RREB1: variants seen among roughly 807,000 people sequenced by gnomAD.
RREB1 encodes the protein ras responsive element binding protein 1.
Under a neutral mutation model 117.8 loss-of-function variants are expected in RREB1, and 27 were observed. The ratio of observed to expected loss-of-function variants is 0.23; its 90% confidence interval spans 0.17 to 0.32. RREB1 has a LOEUF of 0.32. Among genes scored for constraint, RREB1 ranks in the 10% least tolerant of loss-of-function variants. The probability of loss-of-function intolerance (pLI) is 1.00; values close to 1 mark genes in which losing one functional copy is unlikely to be tolerated. For synonymous variants in RREB1, 1,298 were observed against 1,026.7 expected (o/e 1.26, Z -5.05); for missense variants, 2,577 against 2,378.2 (o/e 1.08, Z -1.74).
Position 7,230,326 on chromosome 6 carries a change from G to C in RREB1, c.2227G>C (p.Glu743Gln), listed in dbSNP as rs147574604. Reference protein sequence around the residue: ...NIEYVSSSAAELVDAFCAPDT... With the variant: ...NIEYVSSSAAQLVDAFCAPDT... ...CGAGTATGTGAGTAGCAGCGCGGCC[G>C]AGCTGGTGGACGCCTTCTGCGCCCC... The change falls in exon 10 of 13, where the codon GAG becomes CAG. Residue 743 changes from glutamate to glutamine, a missense_variant. By Grantham distance (29) the Glu-to-Gln change is conservative. Coordinates refer to ENST00000379938, the MANE Select transcript of RREB1 (RefSeq NM_001003699.4). 3 of 1,589,086 alleles carry C rather than the reference G, an allele frequency of 1.9e-6. No homozygotes were observed. In the South Asian group the frequency reaches 3.3e-5, roughly 18 times the overall value.
At chr6:7,185,880 A>C (rs1403340694) in intron 4 of RREB1, among the ~76,000 whole-genome samples, 1 of 152,110 alleles carries the variant, frequency 6.6e-6, no homozygotes, top group Non-Finnish European at 1.5e-5. Context: ...CCTACCACTT[A>C]ATAGTTCTCT....
intron 2 of RREB1, among the ~76,000 whole-genome samples, chr6:7,179,582 G>A (rs1337468737): frequency 6.6e-6 from 1 of 152,194 alleles, no homozygotes; most frequent in South Asian, 2.1e-4. Flanking sequence ...GGTGAGTTCA[G>A]TATTGAAGGT....
intron 1 of RREB1, among the ~76,000 whole-genome samples, chr6:7,121,760 A>G (rs1338488630): frequency 6.7e-6 from 1 of 150,354 alleles, no homozygotes; most frequent in Non-Finnish European, 1.5e-5. Flanking sequence ...ACGTTAATTA[A>G]CTTTTTTTTT....
intron 9 of RREB1, among the ~76,000 whole-genome samples, chr6:7,227,619 C>T (rs570401497): frequency 2.6e-5 from 4 of 151,956 alleles, no homozygotes; most frequent in South Asian, 2.1e-4. Context: ...AATCGGAATT[C>T]GTGGGATTTT....
At chr6:7,114,478 G>GA (rs1463605768) in intron 1 of RREB1, among the ~76,000 whole-genome samples, 1 of 151,714 alleles carries the variant, frequency 6.6e-6, no homozygotes, top group African/African-American at 2.4e-5. Flanking sequence ...TGGGGGGGGG[G>GA]GCGGCAGCGG....
At chr6:7,112,021 C>A (rs552404216) in intron 1 of RREB1, among the ~76,000 whole-genome samples, 6 of 152,206 alleles carry the variant, frequency 3.9e-5, no homozygotes, top group Admixed American at 3.9e-4. Context: ...GCTTTCTTTC[C>A]CCCTTTACTG....
chr6:7,123,863 G>C (rs989154887), intron 1 of RREB1, among the ~76,000 whole-genome samples: 1 of 151,594 alleles, frequency 6.6e-6, no homozygotes, highest in Non-Finnish European at 1.5e-5. Context: ...CACCTGCCTC[G>C]GCCTCCCAAA....
intron 1 of RREB1, among the ~76,000 whole-genome samples, chr6:7,138,927 CT>C (rs11303054): frequency 0.66 from 100,547 of 151,954 alleles, 35,043 homozygotes; most frequent in Middle Eastern, 0.79. Flanking sequence ...TTTTTTCTAA[CT>C]TAGTAGGTAG....
At chr6:7,195,128 T>C (rs1765602901) in intron 6 of RREB1, among the ~76,000 whole-genome samples, 1 of 152,134 alleles carries the variant, frequency 6.6e-6, no homozygotes, top group Non-Finnish European at 1.5e-5. Flanking sequence ...AGAAAATAAA[T>C]TGAGTAAATT....
intron 1 of RREB1, among the ~76,000 whole-genome samples, chr6:7,153,673 T>G (rs1469272503): frequency 6.6e-6 from 1 of 152,172 alleles, no homozygotes; most frequent in Non-Finnish European, 1.5e-5. Flanking sequence ...TCAGATCTGT[T>G]TGATAGGTTG....
chr6:7,179,316 G>T (rs374968715), intron 2 of RREB1, among the ~76,000 whole-genome samples: 1 of 152,080 alleles, frequency 6.6e-6, no homozygotes, highest in Admixed American at 6.6e-5. Flanking sequence ...TTGAGATGGG[G>T]TCTTGCTGTT....
chr6:7,228,495 C>CTTTT lies in RREB1; in HGVS notation c.898-479_898-476dup, dbSNP rs568193582. Among the ~76,000 whole-genome samples the CTTTT allele has an allele frequency of 1.7e-3, 158 of 91,202 alleles. 2 individuals carry two copies. The highest frequency in any genetic ancestry group is 5.0e-3 in the African/African-American group (110 of 21,788). 59.8% of individuals were successfully genotyped at this position (91,202 alleles called of 152,430 possible). On this transcript the variant is annotated intron_variant, in intron 9 of 12. Transcript: ENST00000379938. ...GTGTTAGCAAGCAGGAGAAGGTCAA[C>CTTTT]TTTTTTTTTTTTTTTTTTTTTTTTT... is the stretch of plus-strand genomic sequence containing the variant.
At chr6:7,174,118 C>A (rs1764375737) in intron 1 of RREB1, among the ~76,000 whole-genome samples, 1 of 150,658 alleles carries the variant, frequency 6.6e-6, no homozygotes, top group Non-Finnish European at 1.5e-5. Context: ...ACTTCACCTA[C>A]AGGAGTCATC....
At chr6:7,196,974 G>A (rs1036850631) in intron 6 of RREB1, among the ~76,000 whole-genome samples, 2 of 152,174 alleles carry the variant, frequency 1.3e-5, no homozygotes, top group African/African-American at 4.8e-5. Flanking sequence ...TTTATCAGTT[G>A]CTCCCACGTT....
chr6:7,165,783 G>C (rs986478534), intron 1 of RREB1, among the ~76,000 whole-genome samples: 1 of 152,104 alleles, frequency 6.6e-6, no homozygotes, highest in African/African-American at 2.4e-5. Flanking sequence ...TATTGCCCGG[G>C]TATGAAAGAG....
chr6:7,175,540 C>CAGTT lies in RREB1; in HGVS notation c.-284-1114_-284-1111dup, dbSNP rs1764456005. 2.0e-5 allele frequency among the ~76,000 whole-genome samples: 3 copies of CAGTT among 152,286 alleles called. No homozygotes were observed. The South Asian group carries it at 6.2e-4, about 32-fold the overall frequency. On this transcript the variant is annotated intron_variant, in intron 1 of 12. Transcript: ENST00000379938. ...AATAAAAGTGAGAAAATATGCCAAG[C>CAGTT]AGTTGTTTCTCGCCCGGTGTTGTCC... is the stretch of plus-strand genomic sequence containing the variant.
At chr6:7,149,805 C>T (rs528086281) in intron 1 of RREB1, among the ~76,000 whole-genome samples, 1 of 152,270 alleles carries the variant, frequency 6.6e-6, no homozygotes, top group East Asian at 1.9e-4. Flanking sequence ...TCTCCTGCCT[C>T]AGCCTCCTGA....
rs1471181213 is a variant in RREB1, at chr6:7,187,522, A to G, written c.260A>G (p.Gln87Arg). 2.1e-6 allele frequency: 3 copies of G among 1,422,342 alleles called. No homozygotes were observed. Among genetic ancestry groups the G allele is most frequent in the Non-Finnish European group, 2.8e-6 (3 of 1,067,986 alleles). 88.1% of individuals were successfully genotyped at this position (1,422,342 alleles called of 1,614,324 possible). A position where few individuals can be genotyped will look rare whatever the true frequency, so the allele number is the denominator to read the frequency against. Residue 87 changes from glutamine to arginine, a missense_variant and splice_region_variant, in exon 5 of 13, where the codon CAG becomes CGG. Gln to Arg is a conservative substitution (Grantham distance 43). Transcript: ENST00000379938. ...CACCAGCTGACCATGCACATTCGCCAGGTAGATTCCCACTGTTCTTTTATT... is the reference window on the plus strand; with the variant it reads ...CACCAGCTGACCATGCACATTCGCCGGGTAGATTCCCACTGTTCTTTTATT... Reference protein sequence around the residue: ...TQHQLTMHIRQHNTDTGGADH... With the variant: ...TQHQLTMHIRRHNTDTGGADH...
intron 9 of RREB1, 84 bp from the exon 10 acceptor site, chr6:7,228,912 CA>C: frequency 7.9e-7 from 1 of 1,271,498 alleles, no homozygotes; most frequent in Non-Finnish European, 1.0e-6. Flanking sequence ...AAATGTACAA[CA>C]AATACTTTGT....
Sources: allele counts gnomAD v4.1 joint callset (sites outside exome capture counted in the v4.1 genomes callset), GRCh38; gene constraint gnomAD v4.1.1; transcripts MANE v1.5; gene names NCBI Gene and HGNC (gene_info 2026-07-23, HGNC 2026-07-21).